Variants in LRRC4C observed in about 807,000 individuals in gnomAD.
LRRC4C encodes leucine-rich repeat-containing protein 4C.
Under a neutral mutation model 33.6 loss-of-function variants are expected in LRRC4C, and 5 were observed. That is an observed-to-expected ratio of 0.15 (90% confidence interval 0.08 to 0.31). The LOEUF (loss-of-function observed/expected upper bound fraction) is 0.31. Ranked by LOEUF, LRRC4C falls within the 10% of genes least tolerant of loss-of-function variation. The pLI is 1.00. For synonymous variants in LRRC4C, 329 were observed against 302.0 expected, an observed-to-expected ratio of 1.09 and a Z score of -0.93; for missense variants, 560 against 796.7, an observed-to-expected ratio of 0.70 and a Z score of 3.58.
chr11:40,185,476 A>G (rs1304667089), intron 5 of LRRC4C, among the ~76,000 whole-genome samples: 1 of 152,122 alleles, frequency 6.6e-6, no homozygotes. Flanking sequence ...CTAACATGCT[A>G]CTATCTCTAG....
chr11:40,655,723 A>G (rs1943069376), intron 2 of LRRC4C, among the ~76,000 whole-genome samples: 1 of 152,102 alleles, frequency 6.6e-6, no homozygotes, highest in Non-Finnish European at 1.5e-5. Context: ...TGTGGCTGAA[A>G]ATTTGGCAGA....
intron 3 of LRRC4C, among the ~76,000 whole-genome samples, chr11:40,328,727 C>A (rs1409358097): frequency 6.6e-6 from 1 of 152,146 alleles, no homozygotes; most frequent in Non-Finnish European, 1.5e-5. Flanking sequence ...CTTTGATAAT[C>A]ATTTCTGTCA....
At chr11:40,428,392 T>C in intron 3 of LRRC4C, among the ~76,000 whole-genome samples, 1 of 152,206 alleles carries the variant, frequency 6.6e-6, no homozygotes, top group East Asian at 1.9e-4. Context: ...AGTTTTCCCA[T>C]CTGTAAAATG....
intron 3 of LRRC4C, among the ~76,000 whole-genome samples, chr11:40,456,927 AAAG>A (rs1040794342): frequency 6.6e-6 from 1 of 151,840 alleles, no homozygotes; most frequent in Non-Finnish European, 1.5e-5. Flanking sequence ...AGGGGAAAAA[AAAG>A]AAAACTTGAA....
In LRRC4C at chr11:41,109,006, A is replaced by T. The variant is rs569324063; in HGVS notation, c.-495-175283T>A. ...AGCTGGGTCTCAAAGTCCTTTTTTG[A>T]TATTATTTTTTGATGTGACATTTTC... On this transcript the variant is annotated intron_variant, in intron 1 of 6. Coordinates refer to ENST00000528697, the MANE Select transcript of LRRC4C (RefSeq NM_001258419.2). Among the ~76,000 whole-genome samples the T allele has an allele frequency of 7.4e-4, 112 of 152,082 alleles. 1 individual carries two copies. Among genetic ancestry groups the T allele is most frequent in the African/African-American group, 2.6e-3 (110 of 41,538 alleles).
chr11:40,429,761 T>C (rs977694987), intron 3 of LRRC4C, among the ~76,000 whole-genome samples: 19 of 152,102 alleles, frequency 1.2e-4, no homozygotes, highest in African/African-American at 4.6e-4. Context: ...ATAGAAGAAA[T>C]GGGATGCACC....
intron 3 of LRRC4C, among the ~76,000 whole-genome samples, chr11:40,358,544 G>T (rs1350899141): frequency 6.6e-6 from 1 of 152,116 alleles, no homozygotes; most frequent in African/African-American, 2.4e-5. Context: ...GCTTCCTAAA[G>T]TGCTGGGATT....
intron 5 of LRRC4C, among the ~76,000 whole-genome samples, chr11:40,190,162 A>T (rs1331052841): frequency 6.6e-6 from 1 of 152,210 alleles, no homozygotes; most frequent in Non-Finnish European, 1.5e-5. Flanking sequence ...ATAAGAACTA[A>T]ACTGAGATTT....
At chr11:40,864,446 C>G (rs1043517393) in intron 2 of LRRC4C, among the ~76,000 whole-genome samples, 2 of 152,210 alleles carry the variant, frequency 1.3e-5, no homozygotes, top group Admixed American at 6.5e-5. Context: ...ACATACTACA[C>G]TTGTCAACTC....
At chr11:41,422,580 G>C (rs1954908359) in intron 1 of LRRC4C, among the ~76,000 whole-genome samples, 1 of 151,960 alleles carries the variant, frequency 6.6e-6, no homozygotes, top group South Asian at 2.1e-4. Flanking sequence ...ATGATACCTT[G>C]GTTCCACTGA....
At chr11:41,198,916 G>A (rs531567458) in intron 1 of LRRC4C, among the ~76,000 whole-genome samples, 4 of 152,050 alleles carry the variant, frequency 2.6e-5, no homozygotes, top group African/African-American at 9.7e-5. Flanking sequence ...CAGTCTCAAC[G>A]GGTGTTTTAT....
At chr11:40,126,134 A>G (rs964144476) in intron 6 of LRRC4C, among the ~76,000 whole-genome samples, 1 of 151,568 alleles carries the variant, frequency 6.6e-6, no homozygotes, top group Non-Finnish European at 1.5e-5. Context: ...GTTTCTAGAA[A>G]ATGCTAAAAT....
At chr11:40,831,616 C>A (rs1016888123) in intron 2 of LRRC4C, among the ~76,000 whole-genome samples, 4 of 151,400 alleles carry the variant, frequency 2.6e-5, no homozygotes, top group Admixed American at 1.3e-4. Context: ...GAAGAAATAC[C>A]CGAGACTGGG....
At chr11:41,089,281 T>C (rs1370877217) in intron 1 of LRRC4C, among the ~76,000 whole-genome samples, 4 of 151,862 alleles carry the variant, frequency 2.6e-5, no homozygotes, top group African/African-American at 9.7e-5. Flanking sequence ...AAGTAATTCT[T>C]CCCAGTGGCC....
chr11:41,323,996 ATAT>A (rs1480919812), intron 1 of LRRC4C, among the ~76,000 whole-genome samples: 10 of 152,218 alleles, frequency 6.6e-5, no homozygotes, highest in African/African-American at 2.4e-4. Flanking sequence ...GAATATTAAA[ATAT>A]TGTTTTTTAA....
At chr11:41,296,976 G>C (rs746197423) in intron 1 of LRRC4C, among the ~76,000 whole-genome samples, 1 of 152,102 alleles carries the variant, frequency 6.6e-6, no homozygotes, top group Admixed American at 6.5e-5. Flanking sequence ...TAATGGAAAA[G>C]TTTCCCATTT....
intron 3 of LRRC4C, among the ~76,000 whole-genome samples, chr11:40,435,191 C>G (rs1260152873): frequency 6.6e-6 from 1 of 152,196 alleles, no homozygotes; most frequent in African/African-American, 2.4e-5. Context: ...TGGACCCAGT[C>G]AGGGTAACCA....
intron 1 of LRRC4C, among the ~76,000 whole-genome samples, chr11:41,263,861 A>G (rs1468704894): frequency 6.6e-6 from 1 of 152,144 alleles, no homozygotes; most frequent in Non-Finnish European, 1.5e-5. Flanking sequence ...CTGAACAGAT[A>G]GATAAGGAAA....
chr11:40,820,001 A>G (rs1304641817), intron 2 of LRRC4C, among the ~76,000 whole-genome samples: 1 of 151,424 alleles, frequency 6.6e-6, no homozygotes, highest in African/African-American at 2.4e-5. Flanking sequence ...AAAGACACAA[A>G]AAACCACTAA....
Sources: gnomAD v4.1 joint callset for allele counts (sites outside exome capture counted in the v4.1 genomes callset) on GRCh38, gnomAD v4.1.1 for gene constraint, MANE v1.5 for transcripts, NCBI Gene and HGNC (gene_info 2026-07-23, HGNC 2026-07-21) for gene names.